The following DENND4A variants were observed in gnomAD, a reference collection of about 807,000 sequenced individuals.
The protein encoded by DENND4A is C-myc promoter-binding protein.
In DENND4A, 70 loss-of-function variants were observed where a neutral mutation model predicts 199.3. The ratio of observed to expected loss-of-function variants is 0.35; its 90% CI spans 0.29 to 0.43. The LOEUF (loss-of-function observed/expected upper bound fraction) is 0.43. DENND4A is among the 20% of genes least tolerant of loss of function. The probability of loss-of-function intolerance (pLI) is 1.00; values close to 1 mark genes in which losing one functional copy is unlikely to be tolerated. For missense variants in DENND4A, 1,723 were observed against 2,255.8 expected, an observed-to-expected ratio of 0.76 and a Z score of 4.78; for synonymous variants, 686 against 766.9, an observed-to-expected ratio of 0.89 and a Z score of 1.74.
At chr15:65,734,362 A>G (rs945371799) in intron 7 of DENND4A, among the ~76,000 whole-genome samples, 1 of 152,156 alleles carries the variant, frequency 6.6e-6, no homozygotes, top group Non-Finnish European at 1.5e-5. Flanking sequence ...ACCTTTGTTC[A>G]CGTGTTTGTC....
chr15:65,682,048 CAG>C (rs994346307), intron 23 of DENND4A, among the ~76,000 whole-genome samples: 32 of 152,196 alleles, frequency 2.1e-4, no homozygotes, highest in African/African-American at 7.5e-4. Context: ...AGAGCACAGG[CAG>C]AGAGTAGCTT....
intron 17 of DENND4A, 53 bp downstream of exon 17, chr15:65,702,252 G>A (rs1368012200): frequency 5.0e-6 from 7 of 1,407,362 alleles, no homozygotes; most frequent in Non-Finnish European, 6.9e-6. Context: ...CTGGGTGACA[G>A]AGTGAGACCC....
chr15:65,725,365 C>T (rs2075769843), intron 11 of DENND4A, among the ~76,000 whole-genome samples: 1 of 152,100 alleles, frequency 6.6e-6, no homozygotes, highest in African/African-American at 2.4e-5. Flanking sequence ...CTTTGGTTTC[C>T]TTGTCAGAAG....
intron 32 of DENND4A, among the ~76,000 whole-genome samples, chr15:65,663,785 G>A (rs534971628): frequency 3.3e-5 from 5 of 151,928 alleles, no homozygotes; most frequent in African/African-American, 9.7e-5. Flanking sequence ...AAGTAGCTGG[G>A]ACTACAGCCA....
intron 24 of DENND4A, among the ~76,000 whole-genome samples, 195 bp downstream of exon 24, chr15:65,676,250 A>T (rs1406849719): frequency 6.6e-6 from 1 of 151,450 alleles, no homozygotes; most frequent in Non-Finnish European, 1.5e-5. Flanking sequence ...GATAGGGAGA[A>T]AACAGGATGA....
chr15:65,681,179 A>G (rs1181468777), intron 23 of DENND4A: 1 of 152,162 alleles, frequency 6.6e-6, no homozygotes, highest in East Asian at 1.9e-4. Flanking sequence ...CTCCACTTCT[A>G]ATTCTAGGGG....
intron 1 of DENND4A, 62 bp from the exon 2 acceptor site, chr15:65,761,500 T>C (rs2076847122): frequency 6.6e-6 from 1 of 152,226 alleles, no homozygotes; most frequent in African/African-American, 2.4e-5. Flanking sequence ...TCCCCCAATA[T>C]GCCTGTGGAT....
intron 1 of DENND4A, among the ~76,000 whole-genome samples, chr15:65,776,022 T>C (rs968418045): frequency 2.6e-5 from 4 of 152,308 alleles, no homozygotes; most frequent in Middle Eastern, 3.4e-3. Context: ...TTCCTTACTG[T>C]TTTCTCCATG....
intron 30 of DENND4A, chr15:65,665,011 T>C (rs1405075313): frequency 2.2e-6 from 1 of 454,016 alleles, no homozygotes; most frequent in Admixed American, 4.0e-5. Flanking sequence ...TGGAAACAAA[T>C]AAAAAATAAG....
intron 32 of DENND4A, among the ~76,000 whole-genome samples, chr15:65,662,607 A>G (rs1194083593): frequency 6.6e-6 from 1 of 152,206 alleles, no homozygotes; most frequent in East Asian, 1.9e-4. Context: ...GGGACAACAG[A>G]GGTTTACAAG....
In DENND4A at chr15:65,762,259, G is replaced by A. The variant is rs1269548993; in HGVS notation, c.-101-821C>T. Among the ~76,000 whole-genome samples the A allele has an allele frequency of 5.9e-5, 9 of 152,136 alleles. No homozygotes were observed. The East Asian group carries it at 7.8e-4, about 13-fold the overall frequency. On this transcript the variant is annotated intron_variant, in intron 1 of 32. Transcript: ENST00000443035. The stretch of plus-strand genomic sequence containing the variant: ...CAACCTCAGGTGAGCTGCCTGCCTC[G>A]GCCTCCCAAAGTGCTGGGATTACAG...
At chr15:65,706,874 T>A (rs1404664765) in intron 14 of DENND4A, among the ~76,000 whole-genome samples, 3 of 152,190 alleles carry the variant, frequency 2.0e-5, no homozygotes, top group Non-Finnish European at 4.4e-5. Context: ...AGGAAAGGAA[T>A]AGGGTAGACA....
In DENND4A at chr15:65,676,521, T is replaced by C. The variant is rs902944909; in HGVS notation, c.4293A>G (p.Gln1431=). The part of the protein sequence containing the change: ...CHELEGPISS[Q]ETSATSGTKR... ...TAGTCCCTGAAGTAGCACTGGTCTC[T>C]TGAGAGGAGATAGGTCCTTCCAACT... Residue 1431 remains glutamine (Q), a synonymous_variant, in exon 24 of 33, where the codon CAA becomes CAG. Coordinates refer to ENST00000443035, the MANE Select transcript of DENND4A (RefSeq NM_001320835.1). The C allele has an allele frequency of 2.5e-6, 4 of 1,613,728 alleles. No individual in the cohort carries two copies. In the African/African-American group the frequency reaches 5.3e-5, roughly 22 times the overall value.
intron 22 of DENND4A, 139 bp from the exon 23 acceptor site, chr15:65,691,650 A>G: frequency 3.4e-6 from 3 of 870,098 alleles, no homozygotes; most frequent in South Asian, 2.0e-5. Context: ...ATACTATACT[A>G]AACACTTTAC....
intron 7 of DENND4A, among the ~76,000 whole-genome samples, chr15:65,734,364 G>C (rs1052179690): frequency 6.6e-6 from 1 of 152,120 alleles, no homozygotes; most frequent in African/African-American, 2.4e-5. Flanking sequence ...CTTTGTTCAC[G>C]TGTTTGTCTG....
intron 1 of DENND4A, among the ~76,000 whole-genome samples, chr15:65,784,394 C>T (rs549698367): frequency 4.6e-5 from 7 of 151,264 alleles, no homozygotes; most frequent in Non-Finnish European, 8.8e-5. Flanking sequence ...GGTTCCTTAA[C>T]GGTGACAAAT....
At chr15:65,724,368 T>C (rs1207824852) in intron 11 of DENND4A, among the ~76,000 whole-genome samples, 1 of 136,258 alleles carries the variant, frequency 7.3e-6, no homozygotes, top group African/African-American at 3.1e-5. Flanking sequence ...CTGACTCTAC[T>C]TTTTTTTGAA....
Position 65,752,902 on chromosome 15 carries a change from C to T in DENND4A, c.312-274G>A, listed in dbSNP as rs200403235. Among the ~76,000 whole-genome samples, 23 of 152,302 alleles carry T rather than the reference C, an allele frequency of 1.5e-4. No homozygotes were observed. The East Asian group carries it at 4.2e-3, about 28-fold the overall frequency. ...AAATGTGAAGGTACCTATTTTGGCACATCATTTAATATAGTTATTAATTTA... is the reference window on the plus strand; with the variant it reads ...AAATGTGAAGGTACCTATTTTGGCATATCATTTAATATAGTTATTAATTTA... On this transcript the variant is annotated intron_variant, in intron 3 of 32. Coordinates refer to ENST00000443035, the MANE Select transcript of DENND4A (RefSeq NM_001320835.1).
At chr15:65,777,893 G>T (rs1246638380) in intron 1 of DENND4A, among the ~76,000 whole-genome samples, 1 of 152,018 alleles carries the variant, frequency 6.6e-6, no homozygotes, top group Non-Finnish European at 1.5e-5. Flanking sequence ...AAGGTAGCTG[G>T]GCATGGTGGG....
Sources: gnomAD v4.1 joint callset for allele counts (sites outside exome capture counted in the v4.1 genomes callset) on GRCh38, gnomAD v4.1.1 for gene constraint, MANE v1.5 for transcripts, NCBI Gene and HGNC (gene_info 2026-07-23, HGNC 2026-07-21) for gene names.